The following DKK2 variants were observed in gnomAD, a reference collection of about 807,000 sequenced individuals.
DKK2 encodes dickkopf-related protein 2.
In DKK2, 11 loss-of-function variants were observed where a neutral mutation model predicts 28.1. That is an observed-to-expected ratio of 0.39 (90% confidence interval 0.25 to 0.65). DKK2 has a LOEUF of 0.65. Ranked by LOEUF, DKK2 falls within the 30% of genes least tolerant of loss-of-function variation. The pLI, the probability that DKK2 is intolerant of heterozygous loss-of-function variation, is 0.47. For synonymous variants in DKK2, 135 were observed against 126.5 expected (o/e 1.07, Z -0.45); for missense variants, 326 against 335.5 (o/e 0.97, Z 0.22).
chr4:106,925,418 C>T (rs1269326386), intron 2 of DKK2, among the ~76,000 whole-genome samples: 1 of 152,176 alleles, frequency 6.6e-6, no homozygotes, highest in African/African-American at 2.4e-5. Flanking sequence ...AGCCACAGAA[C>T]ATCTTGACTA....
intron 1 of DKK2, among the ~76,000 whole-genome samples, chr4:107,034,319 G>A (rs1365606805): frequency 6.6e-6 from 1 of 152,114 alleles, no homozygotes; most frequent in Non-Finnish European, 1.5e-5. Context: ...TGACACTTGT[G>A]TTGTGCGAGG....
intron 1 of DKK2, among the ~76,000 whole-genome samples, chr4:106,929,300 A>G (rs1724468088): frequency 6.6e-6 from 1 of 152,188 alleles, no homozygotes; most frequent in African/African-American, 2.4e-5. Flanking sequence ...CAGACTAGAT[A>G]ACTTTTCCTT....
intron 1 of DKK2, among the ~76,000 whole-genome samples, chr4:106,993,328 T>G (rs963453414): frequency 6.6e-6 from 1 of 152,250 alleles, no homozygotes; most frequent in Non-Finnish European, 1.5e-5. Context: ...GCCTCATGGC[T>G]GGTACATACT....
Position 106,960,180 on chromosome 4 carries a change from CTAT to C in DKK2, c.223-34234_223-34232del, listed in dbSNP as rs1722666314. ...TATACACACATATATAGTAATACTACTATAATAGAATATATATGAGATATGTGA... is the reference window on the plus strand; with the variant it reads ...TATACACACATATATAGTAATACTACAATAGAATATATATGAGATATGTGA... On this transcript the variant is annotated intron_variant, in intron 1 of 3. Transcript: ENST00000285311. 4.7e-5 allele frequency among the ~76,000 whole-genome samples: 7 copies of C among 149,126 alleles called. No individual in the cohort carries two copies. The South Asian group carries it at 1.5e-3, about 31-fold the overall frequency.
intron 1 of DKK2, among the ~76,000 whole-genome samples, chr4:106,988,000 G>C (rs1035897327): frequency 2.6e-5 from 4 of 152,026 alleles, no homozygotes; most frequent in Admixed American, 1.3e-4. Context: ...GCGTAGCTGG[G>C]ACTATAGGCA....
chr4:106,957,558 G>A (rs1197563159), intron 1 of DKK2, among the ~76,000 whole-genome samples: 1 of 151,688 alleles, frequency 6.6e-6, no homozygotes, highest in Non-Finnish European at 1.5e-5. Context: ...ATACACCATG[G>A]AATACTATGC....
chr4:107,000,061 AAT>A (rs1723337453), intron 1 of DKK2, among the ~76,000 whole-genome samples: 1 of 152,180 alleles, frequency 6.6e-6, no homozygotes, highest in African/African-American at 2.4e-5. Flanking sequence ...GATAAAATAG[AAT>A]ATAAACATTA....
rs933743113 is a variant in DKK2, at chr4:107,036,143, G to T, written c.-552C>A. The stretch of plus-strand genomic sequence containing the variant: ...GGGGATCAGGAGACGTCCCCGGACC[G>T]AATCCTCGAGATCTGAAGAGAATCG... On this transcript the variant is annotated 5_prime_UTR_variant, in exon 1 of 4. Transcript: ENST00000285311. 6.5e-6 allele frequency: 1 copy of T among 153,526 alleles called. No homozygotes were observed. Among genetic ancestry groups the T allele is most frequent in the African/African-American group, 2.4e-5 (1 of 41,446 alleles). 9.5% of individuals were successfully genotyped at this position (153,526 alleles called of 1,614,324 possible).
At position 106,924,609 on chromosome 4, in the gene DKK2, G is replaced by A; in HGVS notation, c.465C>T (p.Tyr155=). 6.2e-7 allele frequency: 1 copy of A among 1,613,918 alleles called. No individual in the cohort carries two copies. The highest frequency in any genetic ancestry group is 8.5e-7 in the Non-Finnish European group (1 of 1,179,882). The part of the protein sequence containing the change: ...TRHRDRNHGH[Y]SNHDLGWQNL... ...TCTGCCATCCCAAGTCATGGTTTGAGTAATGACCGTGGTTTCGATCTCTGT... is the reference window on the plus strand; with the variant it reads ...TCTGCCATCCCAAGTCATGGTTTGAATAATGACCGTGGTTTCGATCTCTGT... The change falls in exon 3 of 4, where the codon TAC becomes TAT. Residue 155 remains tyrosine (Y), a synonymous_variant. Transcript: ENST00000285311.
At chr4:107,025,049 A>G (rs1026646103) in intron 1 of DKK2, among the ~76,000 whole-genome samples, 6 of 152,174 alleles carry the variant, frequency 3.9e-5, no homozygotes, top group Non-Finnish European at 7.3e-5. Flanking sequence ...AGAGAGGAAG[A>G]GGTTAACCAT....
rs1425594924 is a variant in DKK2, at chr4:106,925,724, G to A, written c.373+75C>T. On this transcript the variant is annotated intron_variant, in intron 2 of 3. Coordinates refer to ENST00000285311, the MANE Select transcript of DKK2 (RefSeq NM_014421.3). ...ATTTCAGGAGTCTGAGTAAGGAGACGATAGCCTGACTTGAGAGACAGGCTT... is the reference window on the plus strand; with the variant it reads ...ATTTCAGGAGTCTGAGTAAGGAGACAATAGCCTGACTTGAGAGACAGGCTT... 30 of 1,517,220 alleles carry A rather than the reference G, an allele frequency of 2.0e-5. No individual in the cohort carries two copies. The South Asian group carries it at 3.2e-4, about 16-fold the overall frequency. The allele number at this position is 1,517,220 out of a possible 1,614,324, so 94.0% of individuals were successfully genotyped here. A position where few individuals can be genotyped will look rare whatever the true frequency, so the allele number is the denominator to read the frequency against.
Position 106,961,565 on chromosome 4 carries a change from G to GCACACACACACACACACA in DKK2, c.223-35634_223-35617dup, listed in dbSNP as rs34597899. On this transcript the variant is annotated intron_variant, in intron 1 of 3. Transcript: ENST00000285311. ...TTAAATTTGCAGCCGCCAACAGCCT[G>GCACACACACACACACACA]CACACACACACACACACACACACAC... is the stretch of plus-strand genomic sequence containing the variant. 5.8e-3 allele frequency among the ~76,000 whole-genome samples: 797 copies of GCACACACACACACACACA among 136,268 alleles called. 6 individuals are homozygous for GCACACACACACACACACA. The highest frequency in any genetic ancestry group is 9.0e-3 in the Non-Finnish European group (574 of 63,480). 89.4% of individuals were successfully genotyped at this position (136,268 alleles called of 152,430 possible). A position where few individuals can be genotyped will look rare whatever the true frequency, so the allele number is the denominator to read the frequency against.
chr4:106,977,886 G>C (rs188826996), intron 1 of DKK2, among the ~76,000 whole-genome samples: 10 of 152,190 alleles, frequency 6.6e-5, no homozygotes, highest in Admixed American at 5.9e-4. Context: ...ATCTACCTTT[G>C]GTCTTTGATG....
intron 1 of DKK2, among the ~76,000 whole-genome samples, chr4:107,002,679 A>G (rs552776971): frequency 6.6e-6 from 1 of 152,344 alleles, no homozygotes; most frequent in East Asian, 1.9e-4. Flanking sequence ...GAAACTGAAA[A>G]TAAATGTTAT....
chr4:107,004,939 A>G (rs1382387812), intron 1 of DKK2, among the ~76,000 whole-genome samples: 3 of 152,182 alleles, frequency 2.0e-5, no homozygotes, highest in Non-Finnish European at 2.9e-5. Context: ...GGATGTGGGA[A>G]GCTTCTAGAA....
chr4:106,980,374 G>A (rs910413972), intron 1 of DKK2, among the ~76,000 whole-genome samples: 1 of 151,980 alleles, frequency 6.6e-6, no homozygotes, highest in African/African-American at 2.4e-5. Flanking sequence ...ACATGTAAAT[G>A]TTTAGGCTCA....
intron 1 of DKK2, among the ~76,000 whole-genome samples, chr4:106,936,859 C>A (rs1462246668): frequency 3.3e-5 from 5 of 150,392 alleles, no homozygotes; most frequent in East Asian, 3.9e-4. Flanking sequence ...TCATATCCAG[C>A]CAAACTAAGC....
At chr4:106,960,825 T>C (rs1722675239) in intron 1 of DKK2, among the ~76,000 whole-genome samples, 1 of 152,170 alleles carries the variant, frequency 6.6e-6, no homozygotes, top group Non-Finnish European at 1.5e-5. Flanking sequence ...GTCTTAACAA[T>C]AATGAGAAAT....
chr4:106,938,758 T>C (rs377697873), intron 1 of DKK2, among the ~76,000 whole-genome samples: 2,057 of 151,806 alleles, frequency 0.014, 80 homozygotes, highest in Admixed American at 0.091. Context: ...AAAAGCTTAT[T>C]CACCATGATC....
Sources: gnomAD v4.1 joint callset for allele counts (sites outside exome capture counted in the v4.1 genomes callset) on GRCh38, gnomAD v4.1.1 for gene constraint, MANE v1.5 for transcripts, NCBI Gene and HGNC (gene_info 2026-07-23, HGNC 2026-07-21) for gene names.